The following PTPRR variants were observed in gnomAD, a reference collection of about 807,000 sequenced individuals.
The protein encoded by PTPRR is protein tyrosine phosphatase receptor type R, also known as receptor-type tyrosine-protein phosphatase R.
Under a neutral mutation model 77.2 loss-of-function variants are expected in PTPRR, and 38 were observed. The observed-to-expected ratio is 0.49, with a 90% confidence interval of 0.38 to 0.65. PTPRR has a LOEUF of 0.65. Ranked by LOEUF, PTPRR falls within the 30% of genes least tolerant of loss-of-function variation. The pLI is 0.00. For synonymous variants in PTPRR, 299 were observed against 283.1 expected, an observed-to-expected ratio of 1.06 and a Z score of -0.57; for missense variants, 744 against 799.2, an observed-to-expected ratio of 0.93 and a Z score of 0.83.
chr12:70,746,308 G>C (rs775106561), intron 5 of PTPRR, among the ~76,000 whole-genome samples: 4 of 152,134 alleles, frequency 2.6e-5, no homozygotes, highest in African/African-American at 7.2e-5. Flanking sequence ...TCAAATAATT[G>C]TGCACATGAA....
intron 2 of PTPRR, among the ~76,000 whole-genome samples, chr12:70,870,913 G>C (rs1452446718): frequency 6.6e-6 from 1 of 152,206 alleles, no homozygotes; most frequent in African/African-American, 2.4e-5. Flanking sequence ...TGAATTCACA[G>C]ACTTGTTCTT....
At chr12:70,651,952 T>C (rs775032881) in intron 13 of PTPRR, among the ~76,000 whole-genome samples, 45 of 152,056 alleles carry the variant, frequency 3.0e-4, no homozygotes, top group Non-Finnish European at 4.6e-4. Flanking sequence ...CTTGGGTTTA[T>C]TTTGGGAGTT....
chr12:70,846,370 A>G (rs944647506), intron 2 of PTPRR, among the ~76,000 whole-genome samples: 1 of 152,182 alleles, frequency 6.6e-6, no homozygotes, highest in Non-Finnish European at 1.5e-5. Context: ...CTCACCAGAC[A>G]TGGCCCAGAG....
At chr12:70,721,332 G>T (rs555559210) in intron 6 of PTPRR, among the ~76,000 whole-genome samples, 1 of 152,218 alleles carries the variant, frequency 6.6e-6, no homozygotes, top group East Asian at 1.9e-4. Context: ...TATCTATCCT[G>T]GCAGAGCATT....
At chr12:70,644,524 G>GT (rs1466056996) in intron 13 of PTPRR, among the ~76,000 whole-genome samples, 3 of 152,170 alleles carry the variant, frequency 2.0e-5, no homozygotes, top group Admixed American at 1.3e-4. Context: ...GCAGTGCTCA[G>GT]TTTTTTCATC....
At chr12:70,776,240 A>G (rs1304883950) in intron 2 of PTPRR, among the ~76,000 whole-genome samples, 1 of 152,154 alleles carries the variant, frequency 6.6e-6, no homozygotes, top group East Asian at 1.9e-4. Context: ...CACGACATCC[A>G]GTGAATAGTC....
At chr12:70,851,072 T>C (rs535264848) in intron 2 of PTPRR, among the ~76,000 whole-genome samples, 6 of 152,210 alleles carry the variant, frequency 3.9e-5, no homozygotes, top group Non-Finnish European at 7.3e-5. Flanking sequence ...TTTGATTTAA[T>C]TCTCATGATA....
At chr12:70,698,004 G>C (rs1888288599) in intron 8 of PTPRR, among the ~76,000 whole-genome samples, 2 of 152,088 alleles carry the variant, frequency 1.3e-5, no homozygotes, top group African/African-American at 2.4e-5. Context: ...AGTGGGTGTT[G>C]TAAGAATTGG....
intron 5 of PTPRR, among the ~76,000 whole-genome samples, chr12:70,751,098 C>T (rs1437438775): frequency 6.6e-6 from 1 of 151,948 alleles, no homozygotes; most frequent in Non-Finnish European, 1.5e-5. Context: ...GTTTGAAATC[C>T]ATCTAATTAT....
intron 2 of PTPRR, among the ~76,000 whole-genome samples, chr12:70,832,550 CT>C (rs1892232538): frequency 6.6e-6 from 1 of 152,064 alleles, no homozygotes; most frequent in Non-Finnish European, 1.5e-5. Context: ...TAGACATTCA[CT>C]TGCATCTTAC....
chr12:70,679,068 T>A (rs1433874359), intron 10 of PTPRR, among the ~76,000 whole-genome samples: 1 of 152,254 alleles, frequency 6.6e-6, no homozygotes, highest in South Asian at 2.1e-4. Context: ...TTTATTGATA[T>A]AAACTTCTCT....
chr12:70,878,758 C>T (rs1001248003), intron 2 of PTPRR, among the ~76,000 whole-genome samples: 2 of 152,138 alleles, frequency 1.3e-5, no homozygotes, highest in Non-Finnish European at 2.9e-5. Context: ...TGGGTATATA[C>T]CCAAAGGATT....
At position 70,906,462 on chromosome 12, in the gene PTPRR, G is replaced by A. The variant is rs188033167; in HGVS notation, c.59-13485C>T. On this transcript the variant is annotated intron_variant, in intron 1 of 13. Coordinates refer to ENST00000283228, the MANE Select transcript of PTPRR (RefSeq NM_002849.4). ...CTAATATTAAATCTATTATTTAGTTGTTCTATCATTCTATTGGTAATAGTA... is the reference window on the plus strand; with the variant it reads ...CTAATATTAAATCTATTATTTAGTTATTCTATCATTCTATTGGTAATAGTA... Among the ~76,000 whole-genome samples, 3 of 152,116 alleles carry A rather than the reference G, an allele frequency of 2.0e-5. No individual in the cohort carries two copies. In the East Asian group the frequency reaches 5.8e-4, roughly 29 times the overall value.
chr12:70,871,374 C>T lies in PTPRR; in HGVS notation c.357+21305G>A, dbSNP rs367626320. Among the ~76,000 whole-genome samples the T allele has an allele frequency of 1.8e-4, 27 of 152,256 alleles. No individual in the cohort carries two copies. The South Asian group carries it at 4.4e-3, about 25-fold the overall frequency. On this transcript the variant is annotated intron_variant, in intron 2 of 13. Transcript: ENST00000283228. ...CTACATCTTAGGTGTGCATGCCCTG[C>T]GCTTTGCACTCTGACTGCTCACATC...
intron 2 of PTPRR, among the ~76,000 whole-genome samples, chr12:70,867,868 T>C (rs1592803070): frequency 1.3e-5 from 2 of 152,176 alleles, no homozygotes; most frequent in South Asian, 4.1e-4. Flanking sequence ...AACAGAGCCC[T>C]CAGAAATAAT....
intron 6 of PTPRR, among the ~76,000 whole-genome samples, chr12:70,710,827 C>T (rs1230823294): frequency 1.1e-4 from 17 of 151,820 alleles, no homozygotes; most frequent in Non-Finnish European, 2.2e-4. Context: ...ATTAGAGAAA[C>T]GCAAATCAAA....
chr12:70,672,671 T>A (rs1327064767), intron 10 of PTPRR: 2 of 1,544,774 alleles, frequency 1.3e-6, no homozygotes, highest in African/African-American at 2.7e-5. Flanking sequence ...ACCAACCAGA[T>A]GGTGGTCAAG....
At chr12:70,774,458 T>G (rs1298756020) in intron 2 of PTPRR, among the ~76,000 whole-genome samples, 1 of 152,194 alleles carries the variant, frequency 6.6e-6, no homozygotes, top group Non-Finnish European at 1.5e-5. Flanking sequence ...AAGGCAACTT[T>G]GCAAAAATAT....
At chr12:70,653,030 T>C (rs1026599631) in intron 13 of PTPRR, among the ~76,000 whole-genome samples, 1 of 152,214 alleles carries the variant, frequency 6.6e-6, no homozygotes, top group Admixed American at 6.5e-5. Context: ...GGAGGCCAGC[T>C]TGGTTTGGAG....
Sources: gnomAD v4.1 joint callset for allele counts (sites outside exome capture counted in the v4.1 genomes callset) on GRCh38, gnomAD v4.1.1 for gene constraint, MANE v1.5 for transcripts, NCBI Gene and HGNC (gene_info 2026-07-23, HGNC 2026-07-21) for gene names.